C12orf42: variants seen among roughly 807,000 people sequenced by gnomAD.
C12orf42 encodes uncharacterized protein C12orf42.
In C12orf42, 25 loss-of-function variants were observed where a neutral mutation model predicts 21.6. The observed-to-expected ratio is 1.16, with a 90% CI of 0.84 to 1.62. C12orf42 has a LOEUF of 1.62. Among genes scored for constraint, C12orf42 ranks in the 40% most tolerant of loss-of-function variants. The probability of loss-of-function intolerance (pLI) is 0.00; values close to 1 mark genes in which losing one functional copy is unlikely to be tolerated. For synonymous variants in C12orf42, 174 were observed against 175.0 expected (o/e 0.99, Z 0.05); for missense variants, 483 against 459.3 (o/e 1.05, Z -0.47).
intron 4 of C12orf42, among the ~76,000 whole-genome samples, chr12:103,361,735 TC>T (rs1421111551): frequency 6.6e-6 from 1 of 151,956 alleles, no homozygotes; most frequent in East Asian, 1.9e-4. Flanking sequence ...CTGCCAGCTT[TC>T]CCCCACTTCC....
intron 2 of C12orf42, among the ~76,000 whole-genome samples, chr12:103,463,115 T>C (rs1280009476): frequency 6.6e-6 from 1 of 152,200 alleles, no homozygotes; most frequent in Non-Finnish European, 1.5e-5. Context: ...AGTATATACA[T>C]AAAAGCTTAC....
At chr12:103,248,675 A>C (rs915854068) in intron 10 of C12orf42, among the ~76,000 whole-genome samples, 72 of 152,174 alleles carry the variant, frequency 4.7e-4, no homozygotes, top group African/African-American at 1.7e-3. Context: ...TTTTTGAGGC[A>C]GCCTTCTGGG....
chr12:103,255,216 C>CA (rs1211492104), intron 10 of C12orf42, among the ~76,000 whole-genome samples: 3 of 151,810 alleles, frequency 2.0e-5, no homozygotes, highest in East Asian at 3.9e-4. Flanking sequence ...CCTAAAAATA[C>CA]AAAAAATTAG....
chr12:103,252,688 A>G (rs1449666064), intron 10 of C12orf42, among the ~76,000 whole-genome samples: 1 of 151,998 alleles, frequency 6.6e-6, no homozygotes, highest in Non-Finnish European at 1.5e-5. Flanking sequence ...TAGATTCTGG[A>G]TATTAGCCCT....
chr12:103,239,515 G>A (rs1040501424), intron 10 of C12orf42, among the ~76,000 whole-genome samples: 2 of 152,140 alleles, frequency 1.3e-5, no homozygotes, highest in African/African-American at 4.8e-5. Context: ...CATTCTAAGA[G>A]TCAACCCGCT....
chr12:103,403,403 C>G (rs1376905463), intron 2 of C12orf42, among the ~76,000 whole-genome samples: 2 of 151,366 alleles, frequency 1.3e-5, no homozygotes, highest in Non-Finnish European at 2.9e-5. Flanking sequence ...AAAAAGGATG[C>G]AGGGGCACTA....
chr12:103,263,686 C>T (rs776602415), downstream of C12orf42, among the ~76,000 whole-genome samples: 1 of 152,116 alleles, frequency 6.6e-6, no homozygotes, highest in African/African-American at 2.4e-5. Context: ...CCACCATGCC[C>T]CTGCATCCTA....
At chr12:103,349,676 T>A (rs1292131637) in intron 4 of C12orf42, among the ~76,000 whole-genome samples, 1 of 152,192 alleles carries the variant, frequency 6.6e-6, no homozygotes, top group Non-Finnish European at 1.5e-5. Context: ...GTACCATGCT[T>A]CTTTTTATGC....
intron 4 of C12orf42, among the ~76,000 whole-genome samples, chr12:103,343,554 G>T (rs371934751): frequency 6.6e-6 from 1 of 151,940 alleles, no homozygotes; most frequent in Non-Finnish European, 1.5e-5. Flanking sequence ...CGAGGCGGGC[G>T]GATCACCTGA....
At chr12:103,226,331 C>T in the C12orf42 span, among the ~76,000 whole-genome samples, 2 of 152,104 alleles carry the variant, frequency 1.3e-5, no homozygotes, top group African/African-American at 2.4e-5. Context: ...GTTTGAGGGC[C>T]AGATTCCAAT....
chr12:103,496,793 T>A, upstream of C12orf42, among the ~76,000 whole-genome samples: 1 of 52,482 alleles, frequency 1.9e-5, no homozygotes, highest in East Asian at 4.1e-4. Context: ...CACACCCACA[T>A]CTAAAATATT....
chr12:103,149,629 A>T, the C12orf42 span, among the ~76,000 whole-genome samples: 3 of 151,988 alleles, frequency 2.0e-5, no homozygotes, highest in Non-Finnish European at 4.4e-5. Flanking sequence ...ATGAGATCTG[A>T]TGGTTTTATA....
chr12:103,316,507 GAA>G (rs1210565462), intron 4 of C12orf42, among the ~76,000 whole-genome samples: 1 of 151,962 alleles, frequency 6.6e-6, no homozygotes, highest in Non-Finnish European at 1.5e-5. Context: ...ACATAAAAAA[GAA>G]AAGACTTGGA....
the C12orf42 span, among the ~76,000 whole-genome samples, chr12:103,130,427 A>C: frequency 6.6e-6 from 1 of 151,748 alleles, no homozygotes; most frequent in Admixed American, 6.6e-5. Flanking sequence ...TGTGGTTTTC[A>C]AAAAGATTTT....
the C12orf42 span, among the ~76,000 whole-genome samples, chr12:103,202,355 G>T: frequency 1.3e-4 from 20 of 152,024 alleles, no homozygotes; most frequent in Non-Finnish European, 2.4e-4. Context: ...GAAAAGAATG[G>T]GTCTACCCAT....
At chr12:103,518,844 C>A in the C12orf42 span, among the ~76,000 whole-genome samples, 3 of 152,070 alleles carry the variant, frequency 2.0e-5, no homozygotes, top group Non-Finnish European at 4.4e-5. Context: ...ATTTAAATAA[C>A]GTACTCAAGA....
chr12:103,498,126 T>C (rs1373096035), upstream of C12orf42, among the ~76,000 whole-genome samples: 3 of 151,628 alleles, frequency 2.0e-5, no homozygotes, highest in Admixed American at 2.0e-4. Flanking sequence ...ACAAATAAGA[T>C]ATGGATGTCA....
the C12orf42 span, among the ~76,000 whole-genome samples, chr12:103,147,626 T>C: frequency 2.1e-3 from 306 of 142,890 alleles, 1 homozygote; most frequent in African/African-American, 7.3e-3. Flanking sequence ...TCTCTCTCTT[T>C]TTTTTTTTTT....
intron 2 of C12orf42, among the ~76,000 whole-genome samples, chr12:103,420,274 C>A (rs1391658617): frequency 6.6e-6 from 1 of 152,160 alleles, no homozygotes; most frequent in Non-Finnish European, 1.5e-5. Context: ...CTAACTGAAC[C>A]CTTTGTGCTT....
Sources: gnomAD v4.1 joint callset for allele counts (sites outside exome capture counted in the v4.1 genomes callset) on GRCh38, gnomAD v4.1.1 for gene constraint, MANE v1.5 for transcripts, NCBI Gene and HGNC (gene_info 2026-07-23, HGNC 2026-07-21) for gene names.